The following INPP4B variants were observed in gnomAD, a reference collection of about 807,000 sequenced individuals.
INPP4B encodes inositol polyphosphate 4-phosphatase type II.
In INPP4B, 55 loss-of-function variants were observed where a neutral mutation model predicts 122.5. The ratio of observed to expected loss-of-function variants is 0.45; its 90% confidence interval spans 0.36 to 0.56. The LOEUF (loss-of-function observed/expected upper bound fraction) is 0.56. INPP4B is among the 20% of genes least tolerant of loss of function. The pLI is 0.00. For synonymous variants in INPP4B, 403 were observed against 388.7 expected, an observed-to-expected ratio of 1.04 and a Z score of -0.43; for missense variants, 1,000 against 1,097.7, an observed-to-expected ratio of 0.91 and a Z score of 1.26.
chr4:142,145,748 T>C, intron 18 of INPP4B, 92 bp downstream of exon 18: 1 of 1,253,582 alleles, frequency 8.0e-7, no homozygotes, highest in Non-Finnish European at 1.1e-6. Flanking sequence ...TCAAAGATAC[T>C]ATTGACTCCT....
At chr4:142,419,930 G>A (rs1218250163) in intron 5 of INPP4B, among the ~76,000 whole-genome samples, 1 of 151,974 alleles carries the variant, frequency 6.6e-6, no homozygotes, top group African/African-American at 2.4e-5. Flanking sequence ...AAGCCCTGAG[G>A]TAGTCCTGAT....
intron 2 of INPP4B, chr4:142,474,506 C>T (rs952812825): frequency 1.2e-4 from 18 of 152,532 alleles, no homozygotes; most frequent in African/African-American, 4.3e-4. Flanking sequence ...TGAGTGACCC[C>T]ACCCACTCCC....
chr4:142,193,250 T>G, intron 14 of INPP4B, 55 bp from the exon 15 acceptor site: 1 of 1,035,434 alleles, frequency 9.7e-7, no homozygotes, highest in Non-Finnish European at 1.5e-6. Flanking sequence ...ATCTCCGTCA[T>G]GCTGTTTGCA....
At chr4:142,615,015 T>C in intron 2 of INPP4B, among the ~76,000 whole-genome samples, 1 of 152,198 alleles carries the variant, frequency 6.6e-6, no homozygotes, top group East Asian at 1.9e-4. Context: ...AGAACTACCC[T>C]TTGATTCAGA....
At chr4:142,118,019 A>G (rs1170397048) in intron 21 of INPP4B, among the ~76,000 whole-genome samples, 1 of 152,208 alleles carries the variant, frequency 6.6e-6, no homozygotes, top group Non-Finnish European at 1.5e-5. Flanking sequence ...AGAAAGCCAA[A>G]TCATGAGTGA....
chr4:142,086,047 C>A (rs1420006129), intron 24 of INPP4B, 97 bp downstream of exon 24: 4 of 794,372 alleles, frequency 5.0e-6, no homozygotes, highest in Non-Finnish European at 8.6e-6. Flanking sequence ...CACCTGGCAA[C>A]CCAAAGTGCA....
At chr4:142,435,674 C>T (rs1010559706) in intron 3 of INPP4B, among the ~76,000 whole-genome samples, 8 of 152,234 alleles carry the variant, frequency 5.3e-5, no homozygotes. Flanking sequence ...ACCTGAGAGC[C>T]ATACGGGGAG....
intron 23 of INPP4B, among the ~76,000 whole-genome samples, chr4:142,104,380 A>T (rs1427630497): frequency 6.6e-6 from 1 of 152,156 alleles, no homozygotes; most frequent in Non-Finnish European, 1.5e-5. Context: ...CACAAAAGGG[A>T]ATGTGAAGGA....
chr4:142,616,315 T>C lies in INPP4B; in HGVS notation c.-191+109524A>G, dbSNP rs147472173. On this transcript the variant is annotated intron_variant, in intron 2 of 25. Coordinates refer to ENST00000262992, the MANE Select transcript of INPP4B (RefSeq NM_001101669.3). ...AGTCTTAAAACATAACACATTTCTT[T>C]TGGAAATAAGCTTTCTTAGATAAAG... 1.4e-4 allele frequency among the ~76,000 whole-genome samples: 21 copies of C among 152,254 alleles called. No individual in the cohort carries two copies. In the East Asian group the frequency reaches 3.5e-3, roughly 25 times the overall value.
At chr4:142,260,428 G>T in intron 11 of INPP4B, 64 bp downstream of exon 11, 3 of 1,017,136 alleles carry the variant, frequency 2.9e-6, no homozygotes, top group South Asian at 2.7e-5. Context: ...GTTCAGTGTT[G>T]ATTTTACATA....
Position 142,539,528 on chromosome 4 carries a change from G to A in INPP4B, c.-190-76802C>T, listed in dbSNP as rs888185053. Among the ~76,000 whole-genome samples, 5 of 151,890 alleles carry A rather than the reference G, an allele frequency of 3.3e-5. No individual in the cohort carries two copies. The South Asian group carries it at 8.3e-4, about 25-fold the overall frequency. On this transcript the variant is annotated intron_variant, in intron 2 of 25. Transcript: ENST00000262992. ...AATTTAAGGTGTTCTTCCCTTTGCC[G>A]CTCCCTTCCTTTTGCCTTAGTTTAT...
At chr4:142,332,929 T>A (rs143478814) in intron 7 of INPP4B, among the ~76,000 whole-genome samples, 1,594 of 139,992 alleles carry the variant, frequency 0.011, 30 homozygotes, top group African/African-American at 0.041. Flanking sequence ...GAGAATGGCG[T>A]GAACCCAGGA....
At chr4:142,470,079 C>T (rs1818542208) in intron 2 of INPP4B, among the ~76,000 whole-genome samples, 1 of 151,796 alleles carries the variant, frequency 6.6e-6, no homozygotes, top group Admixed American at 6.6e-5. Context: ...AATTTTCACA[C>T]TTTTTTGGAG....
intron 23 of INPP4B, 30 bp from the exon 24 acceptor site, chr4:142,086,286 A>T: frequency 8.3e-7 from 1 of 1,202,192 alleles, no homozygotes; most frequent in Non-Finnish European, 1.2e-6. Flanking sequence ...GGAGAAAAAT[A>T]AAATGAGACA....
intron 11 of INPP4B, among the ~76,000 whole-genome samples, chr4:142,255,229 G>T (rs540540141): frequency 6.6e-6 from 1 of 151,646 alleles, no homozygotes; most frequent in African/African-American, 2.4e-5. Flanking sequence ...AGGAACAACC[G>T]GTACCAGCCG....
chr4:142,685,794 G>T (rs1042521790), intron 2 of INPP4B, among the ~76,000 whole-genome samples: 2 of 152,004 alleles, frequency 1.3e-5, no homozygotes, highest in Non-Finnish European at 2.9e-5. Flanking sequence ...AGGTTTCTAT[G>T]TGTACATTTT....
At chr4:142,836,719 TACACACACAC>T (rs138777384) in intron 1 of INPP4B, among the ~76,000 whole-genome samples, 2 of 146,408 alleles carry the variant, frequency 1.4e-5, no homozygotes, top group Non-Finnish European at 3.0e-5. Flanking sequence ...AAGTACTGTC[TACACACACAC>T]ACACACACAC....
chr4:142,082,215 T>C, intron 24 of INPP4B, 30 bp from the exon 25 acceptor site: 1 of 1,479,986 alleles, frequency 6.8e-7, no homozygotes, highest in Non-Finnish European at 9.2e-7. Context: ...GAACGTTTCT[T>C]GTTCATTTGT....
intron 2 of INPP4B, among the ~76,000 whole-genome samples, chr4:142,476,985 T>C (rs1819874235): frequency 6.6e-6 from 1 of 151,988 alleles, no homozygotes; most frequent in Non-Finnish European, 1.5e-5. Flanking sequence ...ATACTCTCCA[T>C]CCCAAAACAT....
Sources: gnomAD v4.1 joint callset for allele counts (sites outside exome capture counted in the v4.1 genomes callset) on GRCh38, gnomAD v4.1.1 for gene constraint, MANE v1.5 for transcripts, NCBI Gene and HGNC (gene_info 2026-07-23, HGNC 2026-07-21) for gene names.